The following RBBP6 variants were observed in gnomAD, a reference collection of about 807,000 sequenced individuals.
RBBP6 encodes the protein RB binding protein 6, ubiquitin ligase.
RBBP6 carries 25 observed loss-of-function variants against 167.7 expected under a neutral mutation model. That is an observed-to-expected ratio of 0.15 (90% CI 0.11 to 0.21). The LOEUF is 0.21. Ranked by LOEUF, RBBP6 falls within the 10% of genes least tolerant of loss-of-function variation. The pLI is 1.00. For synonymous variants in RBBP6, 789 were observed against 735.8 expected, an observed-to-expected ratio of 1.07 and a Z score of -1.17; for missense variants, 1,868 against 2,134.2, an observed-to-expected ratio of 0.88 and a Z score of 2.46.
At position 24,570,658 on chromosome 16, in the gene RBBP6, A is replaced by C. The variant is rs575713527; in HGVS notation, c.3809+159A>C. The stretch of plus-strand genomic sequence containing the variant: ...GTTGTCTTTGAAGAAGGGAATTGCC[A>C]AAGACAAGGTTGTAAATAGATTTTG... On this transcript the variant is annotated intron_variant, in intron 17 of 17. Transcript: ENST00000319715. Among the ~76,000 whole-genome samples, 3 of 152,302 alleles carry C rather than the reference A, an allele frequency of 2.0e-5. No individual in the cohort carries two copies. In the South Asian group the frequency reaches 6.2e-4, roughly 32 times the overall value.
chr16:24,562,166 G>T lies in RBBP6; in HGVS notation c.1289+5G>T. 1 of 1,593,460 alleles carries T rather than the reference G, an allele frequency of 6.3e-7. No individual in the cohort carries two copies. Among genetic ancestry groups the T allele is most frequent in the African/African-American group, 1.3e-5 (1 of 74,620 alleles). On this transcript the variant is annotated splice_donor_5th_base_variant and intron_variant, in intron 10 of 17. Coordinates refer to ENST00000319715, the MANE Select transcript of RBBP6 (RefSeq NM_006910.5). Reference sequence around the variant, plus strand: ...AAAATCAGATGGACCTTTTCGGTAAGCCTGTGTGTTTTTCACTGTTAGAAA... The same window carrying T: ...AAAATCAGATGGACCTTTTCGGTAATCCTGTGTGTTTTTCACTGTTAGAAA...
chr16:24,558,816 C>T (rs1898980102), intron 7 of RBBP6, among the ~76,000 whole-genome samples: 1 of 152,168 alleles, frequency 6.6e-6, no homozygotes, highest in Non-Finnish European at 1.5e-5. Flanking sequence ...ATTTTTGTAA[C>T]ACCGATTTTG....
In RBBP6 at chr16:24,561,814, G is replaced by C; in HGVS notation, c.952-10G>C. On this transcript the variant is annotated splice_polypyrimidine_tract_variant and intron_variant, in intron 9 of 17. Transcript: ENST00000319715. ...ACATTTTTCTGCATTATTATGCTTG[G>C]TATCTGTAGGCTGTAAATAACTTCA... 1 of 1,607,932 alleles carries C rather than the reference G, an allele frequency of 6.2e-7. No individual in the cohort carries two copies. Among genetic ancestry groups the C allele is most frequent in the Non-Finnish European group, 8.5e-7 (1 of 1,175,654 alleles).
rs1157904497 is a variant in RBBP6, at chr16:24,572,318, C to T, written c.5252C>T (p.Ala1751Val). 7 of 1,569,662 alleles carry T rather than the reference C, an allele frequency of 4.5e-6. No homozygotes were observed. Among genetic ancestry groups the T allele is most frequent in the Admixed American group, 1.9e-5 (1 of 52,132 alleles). The change falls in exon 18 of 18, where the codon GCA (alanine) becomes GTA (valine). Residue 1751 changes from alanine (A) to valine (V), a missense_variant. This residue lies in a region of RBBP6 where 591 missense variants were observed against 540.5 expected (regional missense o/e 1.09). Coordinates refer to ENST00000319715, the MANE Select transcript of RBBP6 (RefSeq NM_006910.5). The part of the protein sequence containing the change: ...HKKHKKHKKH[A>V]GTEVELEKSQ... The stretch of plus-strand genomic sequence containing the variant: ...AAGCATAAGAAGCATAAGAAACATG[C>T]AGGCACTGAAGTGGAATTGGAAAAA...
Position 24,571,763 on chromosome 16 carries a change from G to A in RBBP6, c.4697G>A (p.Cys1566Tyr). Residue 1566 changes from cysteine to tyrosine, a missense_variant, in exon 18 of 18, where the codon TGT becomes TAT. Cys to Tyr is a radical substitution (Grantham distance 194). Transcript: ENST00000319715. ...ACAAAATCTGTAGATAAAAATCCTT[G>A]TAAGGATCGTGAGAAGCATGTATTA... Reference protein sequence around the residue: ...EETKSVDKNPCKDREKHVLEA... With the variant: ...EETKSVDKNPYKDREKHVLEA... The A allele has an allele frequency of 6.2e-7, 1 of 1,614,048 alleles. No individual in the cohort carries two copies. Among genetic ancestry groups the A allele is most frequent in the Non-Finnish European group, 8.5e-7 (1 of 1,179,942 alleles).
rs191141265 is a variant in RBBP6, at chr16:24,562,259, A to G, written c.1289+98A>G. 2,133 of 1,123,660 alleles carry G rather than the reference A, an allele frequency of 1.9e-3. 3 individuals are homozygous for G. Among genetic ancestry groups the G allele is most frequent in the Admixed American group, 3.4e-3 (168 of 49,868 alleles). The allele number at this position is 1,123,660 out of a possible 1,614,324, so 69.6% of individuals were successfully genotyped here. ...CTTTTAACAGCTTTCTTAGTGGACCACTGTGCTCAGTAATGTGGGATGACT... is the reference window on the plus strand; with the variant it reads ...CTTTTAACAGCTTTCTTAGTGGACCGCTGTGCTCAGTAATGTGGGATGACT... On this transcript the variant is annotated intron_variant, in intron 10 of 17. Coordinates refer to ENST00000319715, the MANE Select transcript of RBBP6 (RefSeq NM_006910.5).
chr16:24,572,335 T>G lies in RBBP6; in HGVS notation c.5269T>G (p.Leu1757Val), dbSNP rs775161355. Residue 1757 changes from leucine (L) to valine (V), a missense_variant, in exon 18 of 18, where the codon TTG becomes GTG. Leu to Val is a conservative substitution (Grantham distance 32). Around this residue, in one of 7 missense-constraint regions of RBBP6, gnomAD observed 591 missense variants for 540.5 expected, o/e 1.09. Coordinates refer to ENST00000319715, the MANE Select transcript of RBBP6 (RefSeq NM_006910.5). ...GAAACATGCAGGCACTGAAGTGGAA[T>G]TGGAAAAAAGCCAAAAACACAAACA... The part of the protein sequence containing the change: ...HKKHAGTEVE[L>V]EKSQKHKHKK... 2 of 1,557,200 alleles carry G rather than the reference T, an allele frequency of 1.3e-6. No individual in the cohort carries two copies. The highest frequency in any genetic ancestry group is 1.7e-6 in the Non-Finnish European group (2 of 1,150,058).
Position 24,571,877 on chromosome 16 carries a change from C to G in RBBP6, c.4811C>G (p.Thr1604Ser), listed in dbSNP as rs1481114638. The G allele has an allele frequency of 6.2e-7, 1 of 1,614,140 alleles. No individual in the cohort carries two copies. The highest frequency in any genetic ancestry group is 8.5e-7 in the Non-Finnish European group (1 of 1,180,020). Residue 1604 changes from threonine to serine, a missense_variant, in exon 18 of 18, where the codon ACT becomes AGT. Transcript: ENST00000319715. ...PETQVEKEQI[T>S]GQIDKSTVKP... is the part of the protein sequence containing the mutation. ...ACACAGGTTGAAAAAGAGCAAATTACTGGGCAAATTGACAAGAGTACTGTC... is the reference window on the plus strand; with the variant it reads ...ACACAGGTTGAAAAAGAGCAAATTAGTGGGCAAATTGACAAGAGTACTGTC...
intron 2 of RBBP6, among the ~76,000 whole-genome samples, chr16:24,548,348 G>T (rs8045499): frequency 0.097 from 14,479 of 149,632 alleles, 834 homozygotes; most frequent in South Asian, 0.16. Flanking sequence ...TTAAGAGATG[G>T]GGTCACTATG....
chr16:24,549,239 GT>G, intron 3 of RBBP6: 1 of 1,337,494 alleles, frequency 7.5e-7, no homozygotes. Context: ...GTATGACACT[GT>G]GTTGTACAGT....
At chr16:24,545,800 A>C (rs1898630748) in intron 1 of RBBP6, among the ~76,000 whole-genome samples, 1 of 152,236 alleles carries the variant, frequency 6.6e-6, no homozygotes, top group South Asian at 2.1e-4. Context: ...TGTAATACTC[A>C]ACTAACGTTT....
chr16:24,553,523 C>T lies in RBBP6; in HGVS notation c.314C>T (p.Ser105Phe). The change falls in exon 4 of 18, where the codon TCT becomes TTT. Residue 105 changes from serine (S) to phenylalanine (F), a missense_variant. Transcript: ENST00000319715. ...AMATTKAIDD[S>F]SASISLAQLT... ...ATTTTTTGTGAACAGATTGATGACTCTTCCGCGTCTATTTCTCTGGCCCAG... is the reference window on the plus strand; with the variant it reads ...ATTTTTTGTGAACAGATTGATGACTTTTCCGCGTCTATTTCTCTGGCCCAG... 6.2e-7 allele frequency: 1 copy of T among 1,610,370 alleles called. No individual in the cohort carries two copies. The highest frequency in any genetic ancestry group is 8.5e-7 in the Non-Finnish European group (1 of 1,177,410).
chr16:24,558,923 A>G (rs1898983170), intron 7 of RBBP6, among the ~76,000 whole-genome samples: 2 of 151,598 alleles, frequency 1.3e-5, no homozygotes, highest in East Asian at 1.9e-4. Context: ...ATCTCATTTT[A>G]TTAATTATTT....
intron 2 of RBBP6, among the ~76,000 whole-genome samples, chr16:24,547,138 T>TATACATTA (rs1201227638): frequency 3.3e-4 from 51 of 152,322 alleles, no homozygotes; most frequent in African/African-American, 1.1e-3. Context: ...TTATTTTGAG[T>TATACATTA]CAATGAAAAA....
At chr16:24,544,526 C>T (rs148978841) in intron 1 of RBBP6, among the ~76,000 whole-genome samples, 37 of 152,138 alleles carry the variant, frequency 2.4e-4, no homozygotes, top group African/African-American at 7.5e-4. Flanking sequence ...ATGTGGTAAG[C>T]GTAATAATCG....
At chr16:24,557,708 A>C (rs556124956) in intron 7 of RBBP6, among the ~76,000 whole-genome samples, 2 of 139,290 alleles carry the variant, frequency 1.4e-5, no homozygotes, top group Admixed American at 7.5e-5. Flanking sequence ...CAATTTACAG[A>C]ATTAGGTGTT....
chr16:24,552,446 G>A (rs1029839873), intron 3 of RBBP6, among the ~76,000 whole-genome samples: 2 of 151,746 alleles, frequency 1.3e-5, no homozygotes, highest in African/African-American at 4.8e-5. Flanking sequence ...CTTACGACAT[G>A]TTAACTAAGC....
At chr16:24,553,598 C>G in intron 4 of RBBP6, 41 bp downstream of exon 4, 1 of 1,455,922 alleles carries the variant, frequency 6.9e-7, no homozygotes, top group Non-Finnish European at 9.3e-7. Flanking sequence ...AAGTTTTTTT[C>G]TAACATCATA....
At chr16:24,561,251 G>GT (rs1264568046) in intron 8 of RBBP6, among the ~76,000 whole-genome samples, 1 of 149,648 alleles carries the variant, frequency 6.7e-6, no homozygotes, top group Non-Finnish European at 1.5e-5. Context: ...TCAGACATTT[G>GT]TTTAAAAAAA....
Sources: allele counts gnomAD v4.1 joint callset (sites outside exome capture counted in the v4.1 genomes callset), GRCh38; gene constraint gnomAD v4.1.1; regional missense constraint gnomAD v4.1.1; transcripts MANE v1.5; gene names NCBI Gene and HGNC (gene_info 2026-07-23, HGNC 2026-07-21).